Variants in AKAP6 observed in about 807,000 individuals in gnomAD.
AKAP6 encodes the protein A-kinase anchoring protein 6.
In AKAP6, 58 loss-of-function variants were observed where a neutral mutation model predicts 188.5. The ratio of observed to expected loss-of-function variants is 0.31; its 90% confidence interval spans 0.25 to 0.38. The LOEUF is 0.38. AKAP6 is among the 10% of genes least tolerant of loss of function. The pLI, the probability that AKAP6 is intolerant of heterozygous loss-of-function variation, is 1.00. For missense variants in AKAP6, 2,710 were observed against 2,740.0 expected (o/e 0.99, Z 0.24); for synonymous variants, 989 against 998.6 (o/e 0.99, Z 0.18).
rs367910480 is a variant in AKAP6, at chr14:32,822,162, C to T, written c.4349C>T (p.Thr1450Ile). The T allele has an allele frequency of 1.2e-5, 19 of 1,613,718 alleles. No homozygotes were observed. Among genetic ancestry groups the T allele is most frequent in the Non-Finnish European group, 1.5e-5 (18 of 1,179,916 alleles). Residue 1450 changes from threonine (T) to isoleucine (I), a missense_variant, in exon 13 of 14, where the codon ACC becomes ATC. Thr to Ile is a moderately conservative substitution (Grantham distance 89, BLOSUM62 -1). Around this residue, in one of 2 missense-constraint regions of AKAP6, gnomAD observed 2,473 missense variants for 2,426.1 expected, o/e 1.02. Coordinates refer to ENST00000280979, the MANE Select transcript of AKAP6 (RefSeq NM_004274.5). Reference sequence around the variant, plus strand: ...GATTTAAACAGTATTACCAAACATACCCCTGACTGTTTGGGAGAAGAATTA... The same window carrying T: ...GATTTAAACAGTATTACCAAACATATCCCTGACTGTTTGGGAGAAGAATTA... ...VGDLNSITKHTPDCLGEELQG... is the reference protein window; with the variant it reads ...VGDLNSITKHIPDCLGEELQG...
chr14:32,774,015 T>G (rs1401500435), intron 12 of AKAP6, 122 bp downstream of exon 12: 1 of 1,096,940 alleles, frequency 9.1e-7, no homozygotes, highest in Non-Finnish European at 1.3e-6. Context: ...AAAGTGGTTT[T>G]GCCATCTTAC....
Position 32,821,581 on chromosome 14 carries a change from T to C in AKAP6, c.3768T>C (p.Asn1256=). 2 of 1,613,716 alleles carry C rather than the reference T, an allele frequency of 1.2e-6. No individual in the cohort carries two copies. Among genetic ancestry groups the C allele is most frequent in the South Asian group, 1.1e-5 (1 of 91,080 alleles). Reference sequence around the variant, plus strand: ...CCTTGAAGCTTGGAGAGACAAGTAATGAGGACCCTGGTTATGACGAGGAGG... The same window carrying C: ...CCTTGAAGCTTGGAGAGACAAGTAACGAGGACCCTGGTTATGACGAGGAGG... ...IPSLKLGETS[N]EDPGYDEEAD... Residue 1256 remains asparagine, a synonymous_variant, in exon 13 of 14, where the codon AAT becomes AAC. Coordinates refer to ENST00000280979, the MANE Select transcript of AKAP6 (RefSeq NM_004274.5).
rs2139841460 is a variant in AKAP6, at chr14:32,735,561, G to A, written c.3148-97G>A. ...ACCAACAAAACTGTGGTGTGTTTTT[G>A]GTACCTAAGTTAATCTATGTTTTTG... On this transcript the variant is annotated intron_variant, in intron 10 of 13. Coordinates refer to ENST00000280979, the MANE Select transcript of AKAP6 (RefSeq NM_004274.5). The A allele has an allele frequency of 8.8e-6, 8 of 905,736 alleles. 1 individual carries two copies. The South Asian group carries it at 1.5e-4, about 17-fold the overall frequency. 56.1% of individuals were successfully genotyped at this position (905,736 alleles called of 1,614,324 possible). A position where few individuals can be genotyped will look rare whatever the true frequency, so the allele number is the denominator to read the frequency against.
intron 13 of AKAP6, among the ~76,000 whole-genome samples, chr14:32,825,253 G>T (rs1222182172): frequency 1.3e-5 from 2 of 152,154 alleles, no homozygotes; most frequent in Non-Finnish European, 2.9e-5. Flanking sequence ...TAGGCTAAAG[G>T]CCACATCTCC....
intron 1 of AKAP6, among the ~76,000 whole-genome samples, chr14:32,333,940 A>G (rs1886609723): frequency 1.3e-5 from 2 of 152,316 alleles, no homozygotes; most frequent in South Asian, 4.1e-4. Flanking sequence ...GGTATGTATC[A>G]TACAAGGTAC....
At chr14:32,404,711 T>TATATATATATATA (rs1555325855) in intron 1 of AKAP6, among the ~76,000 whole-genome samples, 42 of 128,494 alleles carry the variant, frequency 3.3e-4, no homozygotes, top group East Asian at 6.9e-4. Context: ...TATATATATA[T>TATATATATATATA]TAGTCAGAAT....
At chr14:32,452,709 A>G (rs1176836431) in intron 2 of AKAP6, among the ~76,000 whole-genome samples, 3 of 152,194 alleles carry the variant, frequency 2.0e-5, no homozygotes, top group Non-Finnish European at 4.4e-5. Context: ...ACATTTTAGT[A>G]CATGTTGTTG....
At chr14:32,404,466 G>A (rs1185059431) in intron 1 of AKAP6, among the ~76,000 whole-genome samples, 1 of 151,242 alleles carries the variant, frequency 6.6e-6, no homozygotes, top group Non-Finnish European at 1.5e-5. Flanking sequence ...TTTTTAGAAG[G>A]CTGTGCTGCA....
intron 1 of AKAP6, among the ~76,000 whole-genome samples, chr14:32,425,072 C>G (rs1889985125): frequency 6.6e-6 from 1 of 152,156 alleles, no homozygotes; most frequent in Non-Finnish European, 1.5e-5. Flanking sequence ...ACCACATTGA[C>G]TTCCTCTATG....
intron 7 of AKAP6, among the ~76,000 whole-genome samples, chr14:32,648,920 TA>T (rs2139521950): frequency 6.6e-6 from 1 of 152,298 alleles, no homozygotes; most frequent in Admixed American, 6.5e-5. Flanking sequence ...ATTTTTAAAA[TA>T]TAAGTTTGAA....
At chr14:32,805,292 C>G (rs1326396699) in intron 12 of AKAP6, among the ~76,000 whole-genome samples, 1 of 152,194 alleles carries the variant, frequency 6.6e-6, no homozygotes, top group Admixed American at 6.5e-5. Flanking sequence ...CCTTCATCTT[C>G]TCATATATTC....
At chr14:32,350,197 G>A (rs934468243) in intron 1 of AKAP6, among the ~76,000 whole-genome samples, 1 of 152,178 alleles carries the variant, frequency 6.6e-6, no homozygotes, top group Non-Finnish European at 1.5e-5. Context: ...TAGCTTTACA[G>A]TAGTGAAACC....
chr14:32,811,739 A>T (rs2034241267), intron 12 of AKAP6, among the ~76,000 whole-genome samples: 1 of 152,204 alleles, frequency 6.6e-6, no homozygotes, highest in Non-Finnish European at 1.5e-5. Context: ...TGTAAAGGGC[A>T]CGGTTCCTAA....
Position 32,732,397 on chromosome 14 carries a change from G to T in AKAP6, c.3001-57G>T, listed in dbSNP as rs867159466. 9 of 1,547,460 alleles carry T rather than the reference G, an allele frequency of 5.8e-6. 1 individual carries two copies. The highest frequency in any genetic ancestry group is 1.8e-4 in the Middle Eastern group (1 of 5,714). ...AAGCATCACAAATTCTGTGTTCAAT[G>T]ATTTTCTAAGAACACCTCTCTCCCT... is the stretch of plus-strand genomic sequence containing the variant. On this transcript the variant is annotated intron_variant, in intron 9 of 13. Transcript: ENST00000280979.
chr14:32,675,022 T>A (rs1195683081), intron 7 of AKAP6, among the ~76,000 whole-genome samples: 1 of 152,152 alleles, frequency 6.6e-6, no homozygotes, highest in Non-Finnish European at 1.5e-5. Flanking sequence ...TTTTTTCTCT[T>A]CTCATTGTCA....
chr14:32,727,592 C>T (rs2030934989), intron 9 of AKAP6, among the ~76,000 whole-genome samples: 1 of 152,104 alleles, frequency 6.6e-6, no homozygotes, highest in African/African-American at 2.4e-5. Flanking sequence ...CCAGATCATG[C>T]AAATGGAATA....
intron 2 of AKAP6, among the ~76,000 whole-genome samples, chr14:32,525,540 A>G (rs1424418903): frequency 6.6e-6 from 1 of 152,108 alleles, no homozygotes; most frequent in African/African-American, 2.4e-5. Context: ...TCTTTCTATC[A>G]TCTCTTCCAC....
At chr14:32,596,346 A>G (rs1487629982) in intron 5 of AKAP6, among the ~76,000 whole-genome samples, 1 of 152,192 alleles carries the variant, frequency 6.6e-6, no homozygotes, top group East Asian at 1.9e-4. Context: ...ACCAAAGTAC[A>G]ATCAGTGGGA....
At chr14:32,819,387 C>G (rs1474434007) in intron 12 of AKAP6, among the ~76,000 whole-genome samples, 1 of 152,194 alleles carries the variant, frequency 6.6e-6, no homozygotes, top group African/African-American at 2.4e-5. Context: ...TGCTAACATG[C>G]TGCAGGTGAC....
Sources: allele counts gnomAD v4.1 joint callset (sites outside exome capture counted in the v4.1 genomes callset), GRCh38; gene constraint gnomAD v4.1.1; regional missense constraint gnomAD v4.1.1; transcripts MANE v1.5; gene names NCBI Gene and HGNC (gene_info 2026-07-23, HGNC 2026-07-21).